The following COL6A6 variants were observed in gnomAD, a reference collection of about 807,000 sequenced individuals.
The protein encoded by COL6A6 is collagen type VI alpha 6 chain, also known as collagen alpha-6(VI) chain.
In COL6A6, 183 loss-of-function variants were observed where a neutral mutation model predicts 208.6. The observed-to-expected ratio is 0.88, with a 90% CI of 0.78 to 0.99. The LOEUF is 0.99. Ranked by LOEUF, COL6A6 falls within the 50% of genes least tolerant of loss-of-function variation. The pLI, the probability that COL6A6 is intolerant of heterozygous loss-of-function variation, is 0.00. For synonymous variants in COL6A6, 973 were observed against 1,011.8 expected, an observed-to-expected ratio of 0.96 and a Z score of 0.73; for missense variants, 2,816 against 2,815.2, an observed-to-expected ratio of 1.00 and a Z score of -0.01.
chr3:130,570,472 A>G (rs2063135820), intron 6 of COL6A6, among the ~76,000 whole-genome samples: 1 of 152,226 alleles, frequency 6.6e-6, no homozygotes, highest in Non-Finnish European at 1.5e-5. Flanking sequence ...ATGTTGGATA[A>G]ACCACTTATA....
intron 23 of COL6A6, among the ~76,000 whole-genome samples, chr3:130,621,452 C>G (rs74399594): frequency 0.038 from 5,806 of 152,220 alleles, 405 homozygotes; most frequent in African/African-American, 0.13. Flanking sequence ...TCTACCAAAG[C>G]CAGTCCTTTC....
At chr3:130,581,506 G>A (rs778951934) in intron 8 of COL6A6, 55 bp from the exon 9 acceptor site, 98 of 1,302,984 alleles carry the variant, frequency 7.5e-5, no homozygotes, top group Non-Finnish European at 1.0e-4. Context: ...TGGTGTCTGA[G>A]TTAAATAAAG....
At chr3:130,554,685 G>A (rs1577686953) in intron 1 of COL6A6, among the ~76,000 whole-genome samples, 2 of 152,170 alleles carry the variant, frequency 1.3e-5, no homozygotes, top group South Asian at 4.1e-4. Context: ...ACCATAAGGT[G>A]TACACATCCA....
chr3:130,603,392 A>G (rs906537078), intron 20 of COL6A6, among the ~76,000 whole-genome samples: 4 of 152,198 alleles, frequency 2.6e-5, no homozygotes, highest in Admixed American at 6.5e-5. Context: ...CCTGCTGAGA[A>G]TCACTTTGTA....
intron 27 of COL6A6, among the ~76,000 whole-genome samples, chr3:130,634,860 G>C (rs1214643359): frequency 6.6e-6 from 1 of 152,162 alleles, no homozygotes; most frequent in African/African-American, 2.4e-5. Context: ...TGAGAAGATA[G>C]AAAACTTATC....
intron 20 of COL6A6, among the ~76,000 whole-genome samples, chr3:130,606,102 T>C (rs993813790): frequency 5.9e-5 from 9 of 152,258 alleles, no homozygotes; most frequent in Admixed American, 5.9e-4. Context: ...AAGTTTGAAA[T>C]ACTGGCCTCT....
At chr3:130,578,445 G>C (rs528368307) in intron 8 of COL6A6, among the ~76,000 whole-genome samples, 61 of 152,256 alleles carry the variant, frequency 4.0e-4, no homozygotes, top group African/African-American at 1.3e-3. Context: ...AAGCAAGAGT[G>C]AATGGAAGGG....
chr3:130,601,566 T>G (rs1025407803), intron 20 of COL6A6, among the ~76,000 whole-genome samples: 4 of 152,202 alleles, frequency 2.6e-5, no homozygotes, highest in African/African-American at 9.7e-5. Flanking sequence ...TCCTGGCATG[T>G]AAGGATGTAC....
At chr3:130,577,177 T>TA (rs2063317444) in intron 8 of COL6A6, among the ~76,000 whole-genome samples, 1 of 152,314 alleles carries the variant, frequency 6.6e-6, no homozygotes, top group South Asian at 2.1e-4. Flanking sequence ...CCCAACATCT[T>TA]ACATGGTTGG....
At chr3:130,594,604 A>G (rs1313293083) in intron 18 of COL6A6, among the ~76,000 whole-genome samples, 3 of 152,238 alleles carry the variant, frequency 2.0e-5, no homozygotes, top group Non-Finnish European at 2.9e-5. Flanking sequence ...CTTCAAAACA[A>G]TGAAGAAATT....
At chr3:130,589,310 C>T (rs2063619019) in intron 12 of COL6A6, 128 bp downstream of exon 12, 1 of 580,414 alleles carries the variant, frequency 1.7e-6, no homozygotes, top group Non-Finnish European at 3.0e-6. Context: ...TTATTATACT[C>T]CTCTTTTTAT....
intron 1 of COL6A6, among the ~76,000 whole-genome samples, chr3:130,535,278 A>G (rs1453661308): frequency 2.0e-5 from 3 of 152,178 alleles, no homozygotes; most frequent in African/African-American, 7.2e-5. Flanking sequence ...ACAACGTTTA[A>G]TGAATCAATT....
In COL6A6 at chr3:130,571,397, A is replaced by T. The variant is rs76092030; in HGVS notation, c.2977+4A>T. On this transcript the variant is annotated splice_donor_region_variant and intron_variant, in intron 7 of 36. Coordinates refer to ENST00000358511, the MANE Select transcript of COL6A6 (RefSeq NM_001102608.3). ...GTCTGCAACTCTTCAAAAGTAGGTA[A>T]GTTTTGCCAACTAAGTTTTTCCTAA... is the stretch of plus-strand genomic sequence containing the variant. 1.4e-3 allele frequency: 2,190 copies of T among 1,536,770 alleles called. 20 individuals carry two copies. The African/African-American group carries it at 0.027, about 19-fold the overall frequency.
intron 1 of COL6A6, among the ~76,000 whole-genome samples, chr3:130,521,427 G>C (rs999945564): frequency 6.6e-6 from 1 of 152,022 alleles, no homozygotes; most frequent in Non-Finnish European, 1.5e-5. Flanking sequence ...CCATATTTTC[G>C]TACCCCTACC....
intron 33 of COL6A6, among the ~76,000 whole-genome samples, chr3:130,655,828 G>A (rs1203008888): frequency 3.9e-5 from 6 of 152,230 alleles, no homozygotes; most frequent in South Asian, 2.1e-4. Flanking sequence ...CACTAGGCTT[G>A]TTCCACCCAT....
intron 28 of COL6A6, among the ~76,000 whole-genome samples, chr3:130,639,557 G>A (rs1048049136): frequency 6.6e-5 from 10 of 152,220 alleles, no homozygotes; most frequent in African/African-American, 2.2e-4. Context: ...GCCACGCGTG[G>A]TGGCATGTAC....
At chr3:130,650,388 C>T (rs376264652) in intron 33 of COL6A6, among the ~76,000 whole-genome samples, 5 of 151,894 alleles carry the variant, frequency 3.3e-5, no homozygotes, top group Non-Finnish European at 7.4e-5. Context: ...TTTGGGAGGC[C>T]GAGGCGGGTG....
intron 31 of COL6A6, among the ~76,000 whole-genome samples, chr3:130,643,746 A>G (rs1250284042): frequency 6.6e-6 from 1 of 152,236 alleles, no homozygotes; most frequent in East Asian, 1.9e-4. Flanking sequence ...TCCAAATAAC[A>G]ATATGACAGA....
chr3:130,618,013 TACTC>T lies in COL6A6; in HGVS notation c.4816-3806_4816-3803del, dbSNP rs1019848782. ...TGGTTGCCAAGGGCTCTGTAACTAA[TACTC>T]AACCTGAGGAAAAAAAGTGGGACAA... On this transcript the variant is annotated intron_variant, in intron 23 of 36. Transcript: ENST00000358511. Among the ~76,000 whole-genome samples, 3 of 152,280 alleles carry T rather than the reference TACTC, an allele frequency of 2.0e-5. No individual in the cohort carries two copies. The East Asian group carries it at 5.8e-4, about 29-fold the overall frequency.
Sources: gnomAD v4.1 joint callset for allele counts (sites outside exome capture counted in the v4.1 genomes callset) on GRCh38, gnomAD v4.1.1 for gene constraint, MANE v1.5 for transcripts, NCBI Gene and HGNC (gene_info 2026-07-23, HGNC 2026-07-21) for gene names.